Variants in PATJ observed in about 807,000 individuals in gnomAD.
PATJ encodes PATJ crumbs cell polarity complex component, also known as inaD-like protein.
In PATJ, 190 loss-of-function variants were observed where a neutral mutation model predicts 224.9. The observed-to-expected ratio is 0.84, with a 90% CI of 0.75 to 0.95. The LOEUF (loss-of-function observed/expected upper bound fraction) is 0.95, where lower values mean the gene tolerates loss of function less well. PATJ is among the 40% of genes least tolerant of loss of function. The pLI, the probability that PATJ is intolerant of heterozygous loss-of-function variation, is 0.00. For missense variants in PATJ, 2,121 were observed against 2,270.3 expected (o/e 0.93, Z 1.34); for synonymous variants, 769 against 820.3 (o/e 0.94, Z 1.07).
rs142060101 is a variant in PATJ at position 61,822,897 on chromosome 1, C to T, written c.1684-48C>T. 4.8e-3 allele frequency: 7,734 copies of T among 1,606,894 alleles called. 23 individuals are homozygous for T. The highest frequency in any genetic ancestry group is 6.1e-3 in the Non-Finnish European group (7,168 of 1,175,518). On this transcript the variant is annotated intron_variant, in intron 14 of 43. Coordinates refer to ENST00000642238, the MANE Select transcript of PATJ (RefSeq NM_001350145.3). ...TAGCACTGGATGGAGGATGAATAGC[C>T]GGATGTGTCATTGTCATGTTTGATC... is the stretch of plus-strand genomic sequence containing the variant.
chr1:61,927,443 C>A (rs543425031), intron 26 of PATJ, among the ~76,000 whole-genome samples: 1 of 152,258 alleles, frequency 6.6e-6, no homozygotes, highest in Admixed American at 6.5e-5. Flanking sequence ...AAATAACTGA[C>A]TGTCTCACTA....
At chr1:62,106,079 T>C (rs201207836) in intron 33 of PATJ, among the ~76,000 whole-genome samples, 801 of 20,738 alleles carry the variant, frequency 0.039, 35 homozygotes, top group East Asian at 0.083. Flanking sequence ...TATATATATA[T>C]ACACACACAC....
chr1:61,842,923 C>A (rs560643366), intron 17 of PATJ, among the ~76,000 whole-genome samples: 1 of 152,224 alleles, frequency 6.6e-6, no homozygotes, highest in Non-Finnish European at 1.5e-5. Context: ...AAAGTCATAG[C>A]CCTTCCTAGA....
At chr1:61,852,297 G>T (rs1478723424) in intron 17 of PATJ, among the ~76,000 whole-genome samples, 2 of 152,082 alleles carry the variant, frequency 1.3e-5, no homozygotes, top group Admixed American at 1.3e-4. Flanking sequence ...CATGTTCTAT[G>T]ATTGGTCTCT....
At chr1:61,882,245 C>G (rs558106562) in intron 21 of PATJ, among the ~76,000 whole-genome samples, 5 of 152,064 alleles carry the variant, frequency 3.3e-5, no homozygotes, top group Non-Finnish European at 7.4e-5. Context: ...ATGGAGTGGT[C>G]AGGCTGACTG....
At chr1:61,848,476 G>A (rs1348458291) in intron 17 of PATJ, among the ~76,000 whole-genome samples, 4 of 152,152 alleles carry the variant, frequency 2.6e-5, no homozygotes, top group Non-Finnish European at 1.5e-5. Flanking sequence ...ACAAATCTGT[G>A]TGTGAGTGTA....
Position 61,787,868 on chromosome 1 carries a change from A to G in PATJ, c.964A>G (p.Met322Val), listed in dbSNP as rs1322800254. ...VLRNCGNSVRMLVARDPAGDI... is the reference protein window; with the variant it reads ...VLRNCGNSVRVLVARDPAGDI... ...AAGGAACTGTGGGAATTCAGTCAGG[A>G]TGCTCGTTGCTAGAGATCCAGCTGG... The change falls in exon 8 of 44, where the codon ATG becomes GTG. Residue 322 changes from methionine (M) to valine (V), a missense_variant. Transcript: ENST00000642238. 4 of 1,614,026 alleles carry G rather than the reference A, an allele frequency of 2.5e-6. No individual in the cohort carries two copies. In the Admixed American group the frequency reaches 6.7e-5, roughly 27 times the overall value.
intron 27 of PATJ, among the ~76,000 whole-genome samples, chr1:61,942,923 T>G (rs1399877991): frequency 6.6e-6 from 1 of 152,108 alleles, no homozygotes; most frequent in East Asian, 1.9e-4. Flanking sequence ...TATACCCAAA[T>G]GAAATGACAA....
chr1:62,057,018 G>A (rs983873476), intron 31 of PATJ, among the ~76,000 whole-genome samples: 10 of 152,180 alleles, frequency 6.6e-5, no homozygotes, highest in African/African-American at 2.4e-4. Context: ...GTTGAGACAG[G>A]GTTTCACCAT....
At chr1:61,749,717 C>T (rs1043726174) in intron 1 of PATJ, among the ~76,000 whole-genome samples, 1 of 151,686 alleles carries the variant, frequency 6.6e-6, no homozygotes, top group Admixed American at 6.6e-5. Context: ...CACTCTGTTG[C>T]CCAGGCTATG....
At chr1:62,052,882 T>C (rs1317211490) in intron 31 of PATJ, among the ~76,000 whole-genome samples, 1 of 152,132 alleles carries the variant, frequency 6.6e-6, no homozygotes, top group Non-Finnish European at 1.5e-5. Flanking sequence ...TACTTAAAAA[T>C]ATGTTAACTT....
chr1:61,863,089 G>A (rs892274356), intron 19 of PATJ, among the ~76,000 whole-genome samples: 4 of 146,128 alleles, frequency 2.7e-5, no homozygotes, highest in African/African-American at 1.0e-4. Flanking sequence ...AGGCTGGAGG[G>A]CAGTGGTGTG....
intron 27 of PATJ, among the ~76,000 whole-genome samples, chr1:61,945,671 A>T (rs937139844): frequency 1.3e-5 from 2 of 151,924 alleles, no homozygotes; most frequent in Non-Finnish European, 2.9e-5. Context: ...ACAGAAAGTT[A>T]ACAAGGATAT....
chr1:61,805,862 ATTT>A (rs901739909), intron 13 of PATJ, among the ~76,000 whole-genome samples: 1 of 152,206 alleles, frequency 6.6e-6, no homozygotes, highest in East Asian at 1.9e-4. Context: ...AATTGCTGGC[ATTT>A]TTATGATTGC....
chr1:62,130,622 CG>C (rs1176312912), intron 41 of PATJ, among the ~76,000 whole-genome samples: 7 of 151,576 alleles, frequency 4.6e-5, no homozygotes, highest in African/African-American at 1.7e-4. Context: ...GAGGCTGAGG[CG>C]GGCGGATCAC....
chr1:61,755,243 A>G (rs1472402813), intron 1 of PATJ, among the ~76,000 whole-genome samples: 4 of 149,964 alleles, frequency 2.7e-5, no homozygotes, highest in African/African-American at 7.4e-5. Flanking sequence ...CAGGAGGTGG[A>G]GCTTACAGTG....
At chr1:61,743,015 A>G (rs1644841914) in intron 1 of PATJ, among the ~76,000 whole-genome samples, 1 of 151,956 alleles carries the variant, frequency 6.6e-6, no homozygotes, top group Non-Finnish European at 1.5e-5. Flanking sequence ...AGCTGGGCGG[A>G]GTCTTTCCCT....
intron 21 of PATJ, among the ~76,000 whole-genome samples, chr1:61,880,626 A>G (rs894364285): frequency 6.6e-6 from 1 of 152,240 alleles, no homozygotes; most frequent in Non-Finnish European, 1.5e-5. Context: ...AAGAGCATAC[A>G]CTTGATTTCT....
rs1646043506 is a variant in PATJ at position 61,762,849 on chromosome 1, T to C, written c.-35-9T>C. 2 of 1,308,598 alleles carry C rather than the reference T, an allele frequency of 1.5e-6. No individual in the cohort carries two copies. Among genetic ancestry groups the C allele is most frequent in the Non-Finnish European group, 2.1e-6 (2 of 942,478 alleles). 81.1% of individuals were successfully genotyped at this position (1,308,598 alleles called of 1,614,324 possible). On this transcript the variant is annotated splice_polypyrimidine_tract_variant and intron_variant, in intron 1 of 43. Transcript: ENST00000642238. ...ATTCATCTTTTATATTGTTAAATTT[T>C]TTCTTTAGGTGTCTTTAAGAGTGAT...
Sources: allele counts gnomAD v4.1 joint callset (sites outside exome capture counted in the v4.1 genomes callset), GRCh38; gene constraint gnomAD v4.1.1; transcripts MANE v1.5; gene names NCBI Gene and HGNC (gene_info 2026-07-23, HGNC 2026-07-21).